The following GLIS3 variants were observed in gnomAD, a reference collection of about 807,000 sequenced individuals.
GLIS3 encodes zinc finger protein GLIS3.
Under a neutral mutation model 78.6 loss-of-function variants are expected in GLIS3, and 53 were observed. That is an observed-to-expected ratio of 0.67 (90% confidence interval 0.54 to 0.85). GLIS3 has a LOEUF of 0.85. GLIS3 is among the 40% of genes least tolerant of loss of function. GLIS3 has a pLI of 0.00. For missense variants in GLIS3, 1,703 were observed against 1,231.1 expected, an observed-to-expected ratio of 1.38 and a Z score of -5.74; for synonymous variants, 684 against 509.9, an observed-to-expected ratio of 1.34 and a Z score of -4.60.
intron 6 of GLIS3, among the ~76,000 whole-genome samples, chr9:3,925,047 CA>C (rs1239119951): frequency 6.6e-6 from 1 of 152,086 alleles, no homozygotes; most frequent in African/African-American, 2.4e-5. Flanking sequence ...AACTGTGCCC[CA>C]AAAACCCATT....
intron 2 of GLIS3, among the ~76,000 whole-genome samples, chr9:4,252,508 C>A (rs1408788934): frequency 6.6e-6 from 1 of 152,094 alleles, no homozygotes; most frequent in Non-Finnish European, 1.5e-5. Flanking sequence ...ATTCCTCTAA[C>A]CTTTTTTCAA....
intron 7 of GLIS3, among the ~76,000 whole-genome samples, chr9:3,883,431 G>A (rs1183127005): frequency 6.6e-6 from 1 of 152,190 alleles, no homozygotes; most frequent in African/African-American, 2.4e-5. Flanking sequence ...AAATGTTCAG[G>A]TTTTGCCAAG....
At chr9:3,876,126 G>A (rs1299288213) in intron 8 of GLIS3, among the ~76,000 whole-genome samples, 2 of 152,128 alleles carry the variant, frequency 1.3e-5, no homozygotes, top group African/African-American at 4.8e-5. Flanking sequence ...CATCATCTAT[G>A]TGGTATTCCC....
upstream of GLIS3, among the ~76,000 whole-genome samples, chr9:4,351,033 G>C (rs1340518265): frequency 6.6e-6 from 1 of 152,112 alleles, no homozygotes; most frequent in Non-Finnish European, 1.5e-5. Context: ...ACAAGGCCTT[G>C]AAGTGCTGGG....
chr9:3,838,184 T>C (rs1818473919), intron 9 of GLIS3, among the ~76,000 whole-genome samples: 3 of 152,364 alleles, frequency 2.0e-5, no homozygotes, highest in African/African-American at 4.8e-5. Context: ...ATTGTATCCA[T>C]AGCACTAAGA....
chr9:4,467,415 G>A, the GLIS3 span, among the ~76,000 whole-genome samples: 3 of 152,150 alleles, frequency 2.0e-5, no homozygotes, highest in Non-Finnish European at 4.4e-5. Context: ...ATGGCCACAG[G>A]ACCCTCGGAG....
chr9:4,004,698 A>G (rs547305547), intron 4 of GLIS3, among the ~76,000 whole-genome samples: 6 of 152,346 alleles, frequency 3.9e-5, no homozygotes, highest in Admixed American at 2.6e-4. Context: ...TATTAGCCCT[A>G]AAGTTTCATA....
At chr9:4,463,850 G>A in the GLIS3 span, among the ~76,000 whole-genome samples, 2 of 152,168 alleles carry the variant, frequency 1.3e-5, no homozygotes, top group African/African-American at 4.8e-5. Context: ...CAGGAGTGCA[G>A]GCAGTCATTG....
At chr9:3,842,497 G>A (rs1360726096) in intron 9 of GLIS3, among the ~76,000 whole-genome samples, 2 of 152,256 alleles carry the variant, frequency 1.3e-5, no homozygotes, top group Non-Finnish European at 2.9e-5. Context: ...AGAGATAAAG[G>A]GAGGAGGAAG....
chr9:3,987,139 T>C (rs1169307843), intron 4 of GLIS3, among the ~76,000 whole-genome samples: 1 of 151,986 alleles, frequency 6.6e-6, no homozygotes, highest in African/African-American at 2.4e-5. Flanking sequence ...CTACAAAAAA[T>C]GAAAAGCGTA....
At chr9:3,886,421 T>G (rs1251161960) in intron 7 of GLIS3, among the ~76,000 whole-genome samples, 2 of 152,228 alleles carry the variant, frequency 1.3e-5, no homozygotes, top group Non-Finnish European at 2.9e-5. Flanking sequence ...AGATAACAAG[T>G]CATTTTCATG....
chr9:4,224,174 A>G (rs184812659), intron 2 of GLIS3, among the ~76,000 whole-genome samples: 1 of 152,322 alleles, frequency 6.6e-6, no homozygotes, highest in Admixed American at 6.5e-5. Context: ...TAAAACCCAC[A>G]TTATAACCCT....
chr9:3,951,193 T>C (rs1294767518), intron 4 of GLIS3, among the ~76,000 whole-genome samples: 2 of 152,154 alleles, frequency 1.3e-5, no homozygotes, highest in Admixed American at 1.3e-4. Flanking sequence ...CACCCAGCAA[T>C]AAGTGACAAC....
At chr9:3,881,239 T>A (rs1367070773) in intron 7 of GLIS3, among the ~76,000 whole-genome samples, 2 of 152,164 alleles carry the variant, frequency 1.3e-5, no homozygotes, top group Admixed American at 1.3e-4. Flanking sequence ...AATGGAATAA[T>A]AAAGGTCATA....
the GLIS3 span, among the ~76,000 whole-genome samples, chr9:4,395,777 C>CTTTTTTT: frequency 2.3e-5 from 3 of 127,724 alleles, no homozygotes; most frequent in Admixed American, 7.6e-5. Context: ...TTCTTTTTTT[C>CTTTTTTT]TTTTTTTTTT....
rs143192828 is a variant in GLIS3 at position 4,118,685 on chromosome 9, C to A, written c.793G>T (p.Val265Phe). 1.4e-4 allele frequency: 234 copies of A among 1,614,062 alleles called. No homozygotes were observed. In the African/African-American group the frequency reaches 2.8e-3, roughly 19 times the overall value. ...PPGTSMSSNSVSNSLPSYLFG... is the reference protein window; with the variant it reads ...PPGTSMSSNSFSNSLPSYLFG... ...AGGTAGGATGGTAATGAGTTAGAGACACTATTGCTGGACATGGATGTCCCG... is the reference window on the plus strand; with the variant it reads ...AGGTAGGATGGTAATGAGTTAGAGAAACTATTGCTGGACATGGATGTCCCG... Residue 265 changes from valine (V) to phenylalanine (F), a missense_variant, in exon 4 of 11, where the codon GTC (valine) becomes TTC (phenylalanine). Val to Phe is a conservative substitution (Grantham distance 50). Transcript: ENST00000381971. The surrounding 1 kb of genome is among the most constrained non-coding windows in gnomAD (Gnocchi z 4.7).
chr9:4,029,946 T>G (rs1823686656), intron 4 of GLIS3, among the ~76,000 whole-genome samples: 1 of 152,232 alleles, frequency 6.6e-6, no homozygotes, highest in African/African-American at 2.4e-5. Flanking sequence ...TTCCTTTCTT[T>G]TAGGTATATC....
intron 2 of GLIS3, among the ~76,000 whole-genome samples, chr9:4,193,678 G>A (rs908672288): frequency 2.6e-5 from 4 of 152,228 alleles, no homozygotes; most frequent in African/African-American, 9.6e-5. Context: ...AATAACTAGG[G>A]AAGATGGTGG....
At chr9:3,969,582 T>C (rs764577067) in intron 4 of GLIS3, among the ~76,000 whole-genome samples, 4 of 152,218 alleles carry the variant, frequency 2.6e-5, no homozygotes, top group African/African-American at 9.7e-5. Flanking sequence ...TTGTTGTTTA[T>C]AGTAATCAGC....
Sources: gnomAD v4.1 joint callset for allele counts (sites outside exome capture counted in the v4.1 genomes callset) on GRCh38, gnomAD v4.1.1 for gene constraint, Gnocchi (gnomAD v3.1) non-coding constraint, MANE v1.5 for transcripts, NCBI Gene and HGNC (gene_info 2026-07-23, HGNC 2026-07-21) for gene names.